Variants in GRID2 observed in about 807,000 individuals in gnomAD.
GRID2 encodes glutamate ionotropic receptor delta type subunit 2.
In GRID2, 33 loss-of-function variants were observed where a neutral mutation model predicts 114.8. That is an observed-to-expected ratio of 0.29 (90% CI 0.22 to 0.38). GRID2 has a LOEUF of 0.38. Among genes scored for constraint, GRID2 ranks in the 10% least tolerant of loss-of-function variants. The pLI, the probability that GRID2 is intolerant of heterozygous loss-of-function variation, is 1.00. For synonymous variants in GRID2, 505 were observed against 449.9 expected, an observed-to-expected ratio of 1.12 and a Z score of -1.55; for missense variants, 1,184 against 1,257.7, an observed-to-expected ratio of 0.94 and a Z score of 0.89.
chr4:93,161,770 C>A (rs755841125), intron 4 of GRID2, among the ~76,000 whole-genome samples: 4 of 151,690 alleles, frequency 2.6e-5, no homozygotes, highest in Non-Finnish European at 4.4e-5. Context: ...TAGCAAAATT[C>A]TCCCCCCTTC....
intron 1 of GRID2, among the ~76,000 whole-genome samples, chr4:92,444,916 A>T (rs1733367451): frequency 6.6e-6 from 1 of 152,102 alleles, no homozygotes; most frequent in Non-Finnish European, 1.5e-5. Flanking sequence ...TTTTTTTCAG[A>T]CAAATCTATG....
intron 2 of GRID2, among the ~76,000 whole-genome samples, chr4:92,651,624 T>G: frequency 6.6e-6 from 1 of 152,108 alleles, no homozygotes; most frequent in East Asian, 1.9e-4. Context: ...CCCAAATTTC[T>G]TTGTCACCAA....
At chr4:92,483,065 C>T (rs1045718962) in intron 1 of GRID2, among the ~76,000 whole-genome samples, 54 of 152,206 alleles carry the variant, frequency 3.5e-4, no homozygotes, top group African/African-American at 1.3e-3. Context: ...CTTGGCTGGG[C>T]GCAGTGGCTC....
intron 11 of GRID2, among the ~76,000 whole-genome samples, chr4:93,476,653 T>C (rs544686088): frequency 1.3e-5 from 2 of 152,096 alleles, no homozygotes; most frequent in Non-Finnish European, 2.9e-5. Flanking sequence ...GGAACAGATA[T>C]AAGAGCGTGA....
intron 14 of GRID2, among the ~76,000 whole-genome samples, chr4:93,759,054 ATCTATTCAT>A (rs1189265798): frequency 6.6e-6 from 1 of 151,978 alleles, no homozygotes; most frequent in Non-Finnish European, 1.5e-5. Flanking sequence ...TACCCTGATT[ATCTATTCAT>A]TTGCCGCCCA....
chr4:93,734,586 T>G (rs545571125), intron 14 of GRID2, among the ~76,000 whole-genome samples: 1 of 152,076 alleles, frequency 6.6e-6, no homozygotes, highest in Non-Finnish European at 1.5e-5. Context: ...ATGTTTCCCT[T>G]TTGAACTAGT....
At chr4:93,005,244 C>T (rs1178744760) in intron 2 of GRID2, among the ~76,000 whole-genome samples, 2 of 152,054 alleles carry the variant, frequency 1.3e-5, no homozygotes, top group Non-Finnish European at 1.5e-5. Flanking sequence ...GGTCATTCAT[C>T]AAAATGTTCA....
At chr4:93,404,869 T>C (rs981835054) in intron 9 of GRID2, among the ~76,000 whole-genome samples, 6 of 152,126 alleles carry the variant, frequency 3.9e-5, no homozygotes, top group Non-Finnish European at 7.4e-5. Context: ...TAAAGTATCC[T>C]AAAAGTAAAT....
intron 8 of GRID2, among the ~76,000 whole-genome samples, chr4:93,345,722 C>G (rs1760160427): frequency 6.6e-6 from 1 of 152,006 alleles, no homozygotes; most frequent in South Asian, 2.1e-4. Context: ...TTGCCCAGAT[C>G]AATGTCAAGA....
chr4:93,008,759 T>A (rs1721822155), intron 2 of GRID2, among the ~76,000 whole-genome samples: 1 of 152,058 alleles, frequency 6.6e-6, no homozygotes. Flanking sequence ...TGTTTTTCAT[T>A]TTTTTTGCTT....
At chr4:92,892,210 C>T (rs1746841053) in intron 2 of GRID2, among the ~76,000 whole-genome samples, 1 of 151,880 alleles carries the variant, frequency 6.6e-6, no homozygotes, top group Non-Finnish European at 1.5e-5. Context: ...ATTACAGGCA[C>T]CTGCCACCAC....
intron 8 of GRID2, among the ~76,000 whole-genome samples, chr4:93,319,397 G>A (rs551914574): frequency 6.6e-6 from 1 of 152,094 alleles, no homozygotes; most frequent in East Asian, 1.9e-4. Context: ...GAACTCAAAT[G>A]GACACATTAA....
intron 13 of GRID2, among the ~76,000 whole-genome samples, chr4:93,533,261 C>G (rs1272358223): frequency 3.1e-5 from 1 of 32,696 alleles, no homozygotes; most frequent in Non-Finnish European, 8.8e-5. Context: ...TTCCTTCCTT[C>G]CTTCCTTCCT....
intron 2 of GRID2, among the ~76,000 whole-genome samples, chr4:92,634,050 A>G (rs945570489): frequency 1.3e-5 from 2 of 151,802 alleles, no homozygotes; most frequent in East Asian, 3.9e-4. Flanking sequence ...TGTGGGCCAC[A>G]TTGGAAGAAG....
At chr4:92,703,054 C>G (rs1269231930) in intron 2 of GRID2, among the ~76,000 whole-genome samples, 4 of 151,998 alleles carry the variant, frequency 2.6e-5, no homozygotes, top group Non-Finnish European at 5.9e-5. Flanking sequence ...TGTGCATTCA[C>G]CAGTTTGAAA....
intron 1 of GRID2, among the ~76,000 whole-genome samples, chr4:92,410,095 G>C (rs1470872126): frequency 6.6e-6 from 1 of 152,150 alleles, no homozygotes; most frequent in Non-Finnish European, 1.5e-5. Context: ...TATGCTACTT[G>C]TTAGCATATC....
At chr4:93,464,035 G>A (rs1045581863) in intron 11 of GRID2, among the ~76,000 whole-genome samples, 2 of 152,108 alleles carry the variant, frequency 1.3e-5, no homozygotes, top group South Asian at 2.1e-4. Context: ...CTTTAAAATA[G>A]TATTGTCTGA....
rs532861106 is a variant in GRID2 at position 93,386,711 on chromosome 4, T to A, written c.1246-8896T>A. ...GGGAACCCCAAACAAAAAGTTCCTA[T>A]GGTTTTATGGACCTAAGGGCAGGAG... On this transcript the variant is annotated intron_variant, in intron 8 of 15. Transcript: ENST00000282020. Among the ~76,000 whole-genome samples, 4 of 152,212 alleles carry A rather than the reference T, an allele frequency of 2.6e-5. No individual in the cohort carries two copies. In the East Asian group the frequency reaches 7.8e-4, roughly 30 times the overall value.
chr4:92,498,928 T>TAAAAAAAAAAAAAAAAAAAA (rs11303897), intron 1 of GRID2, among the ~76,000 whole-genome samples: 1 of 137,728 alleles, frequency 7.3e-6, no homozygotes, highest in Non-Finnish European at 1.6e-5. Context: ...CTTATTTAGG[T>TAAAAAAAAAAAAAAAAAAAA]AAAAAAAAAA....
Sources: allele counts gnomAD v4.1 joint callset (sites outside exome capture counted in the v4.1 genomes callset), GRCh38; gene constraint gnomAD v4.1.1; transcripts MANE v1.5; gene names NCBI Gene and HGNC (gene_info 2026-07-23, HGNC 2026-07-21).